EFTUD2: variants seen among roughly 807,000 people sequenced by gnomAD.
The protein encoded by EFTUD2 is 116 kDa U5 small nuclear ribonucleoprotein component.
EFTUD2 carries 9 observed loss-of-function variants against 114.3 expected under a neutral mutation model. The observed-to-expected ratio is 0.08, with a 90% CI of 0.05 to 0.14. The LOEUF (loss-of-function observed/expected upper bound fraction) is 0.14, where lower values mean the gene tolerates loss of function less well. Ranked by LOEUF, EFTUD2 falls within the 10% of genes least tolerant of loss-of-function variation. The probability of loss-of-function intolerance (pLI) is 1.00; values close to 1 mark genes in which losing one functional copy is unlikely to be tolerated. For missense variants in EFTUD2, 765 were observed against 1,241.2 expected, an observed-to-expected ratio of 0.62 and a Z score of 5.76; for synonymous variants, 449 against 462.3, an observed-to-expected ratio of 0.97 and a Z score of 0.37.
chr17:44,863,108 CTTTTT>C, intron 15 of EFTUD2: 1 of 270,378 alleles, frequency 3.7e-6, no homozygotes, highest in Non-Finnish European at 6.8e-6. Context: ...ATATTCTCCT[CTTTTT>C]TTTTTTTTGG....
At chr17:44,865,680 T>C (rs1185494929) in intron 13 of EFTUD2, among the ~76,000 whole-genome samples, 2 of 152,230 alleles carry the variant, frequency 1.3e-5, no homozygotes, top group Non-Finnish European at 2.9e-5. Context: ...TGTGTATGTG[T>C]GTGTCCACTG....
chr17:44,888,719 G>A lies in EFTUD2; in HGVS notation c.106-1969C>T, dbSNP rs564083594. Among the ~76,000 whole-genome samples, 8 of 152,290 alleles carry A rather than the reference G, an allele frequency of 5.3e-5. No homozygotes were observed. In the South Asian group the frequency reaches 6.2e-4, roughly 12 times the overall value. ...CAGTAAGGTTTTTGATCTGAGCACC[G>A]GAAAACAGCCTTGCCTTTATTGAGA... On this transcript the variant is annotated intron_variant, in intron 2 of 27. Coordinates refer to ENST00000426333, the MANE Select transcript of EFTUD2 (RefSeq NM_004247.4).
At chr17:44,868,438 G>T in intron 11 of EFTUD2, 88 bp from the exon 12 acceptor site, 1 of 1,305,758 alleles carries the variant, frequency 7.7e-7, no homozygotes, top group Non-Finnish European at 1.1e-6. Flanking sequence ...TCATAGCTGA[G>T]AACTTCTAGC....
intron 7 of EFTUD2, among the ~76,000 whole-genome samples, chr17:44,881,426 A>C (rs989285317): frequency 2.0e-5 from 3 of 151,372 alleles, no homozygotes; most frequent in African/African-American, 7.3e-5. Flanking sequence ...GCCTCTTAGT[A>C]CTTCTCCTAT....
intron 11 of EFTUD2, among the ~76,000 whole-genome samples, chr17:44,870,801 C>T (rs896798462): frequency 3.9e-5 from 6 of 152,004 alleles, no homozygotes; most frequent in Admixed American, 2.6e-4. Flanking sequence ...GGGCGGATCA[C>T]GAGGTCAGGA....
At chr17:44,880,992 T>C (rs2051062701) in intron 7 of EFTUD2, among the ~76,000 whole-genome samples, 2 of 152,208 alleles carry the variant, frequency 1.3e-5, no homozygotes, top group Non-Finnish European at 2.9e-5. Context: ...ATCTGGGGTA[T>C]TTTAGTTTTT....
At chr17:44,860,946 G>A (rs1481044665) in intron 16 of EFTUD2, among the ~76,000 whole-genome samples, 1 of 152,114 alleles carries the variant, frequency 6.6e-6, no homozygotes, top group Non-Finnish European at 1.5e-5. Context: ...AAGAGCAGGG[G>A]TGAGCAAAAC....
intron 16 of EFTUD2, among the ~76,000 whole-genome samples, chr17:44,861,583 A>T (rs1225692396): frequency 6.6e-6 from 1 of 152,110 alleles, no homozygotes; most frequent in East Asian, 1.9e-4. Context: ...ATACAAAAAA[A>T]TTAGCTGGGC....
At position 44,872,545 on chromosome 17, in the gene EFTUD2, T is replaced by C; in HGVS notation, c.895A>G (p.Ile299Val). The part of the protein sequence containing the change: ...ISMYSTDENL[I>V]LSPLLGNVCF... ...ACGTTACCCAGGAGTGGGGAAAGGA[T>C]CAGGTTCTCATCAGTGGAATACATG... Residue 299 changes from isoleucine to valine, a missense_variant, in exon 11 of 28, where the codon ATC (isoleucine) becomes GTC (valine). By Grantham distance (29) the Ile-to-Val change is conservative. Transcript: ENST00000426333. 1 of 1,612,362 alleles carries C rather than the reference T, an allele frequency of 6.2e-7. No homozygotes were observed. The highest frequency in any genetic ancestry group is 1.7e-5 in the Admixed American group (1 of 59,972).
In EFTUD2 at chr17:44,865,697, T is replaced by C. The variant is rs187914599; in HGVS notation, c.1150-632A>G. 1.5e-3 allele frequency among the ~76,000 whole-genome samples: 231 copies of C among 152,366 alleles called. 2 individuals carry two copies. The Middle Eastern group carries it at 0.034, about 22-fold the overall frequency. Reference sequence around the variant, plus strand: ...TGTATGTGTGTGTCCACTGTGCTTATTAAATACCTGCATATTTTATTACTG... The same window carrying C: ...TGTATGTGTGTGTCCACTGTGCTTACTAAATACCTGCATATTTTATTACTG... On this transcript the variant is annotated intron_variant, in intron 13 of 27. Coordinates refer to ENST00000426333, the MANE Select transcript of EFTUD2 (RefSeq NM_004247.4).
chr17:44,877,955 A>C (rs1451999904), intron 9 of EFTUD2, among the ~76,000 whole-genome samples: 7 of 151,822 alleles, frequency 4.6e-5, no homozygotes, highest in Admixed American at 4.6e-4. Flanking sequence ...AACATGGTGA[A>C]TGAAACCCTG....
At position 44,872,478 on chromosome 17, in the gene EFTUD2, C is replaced by T; in HGVS notation, c.962G>A (p.Gly321Asp). 1 of 1,613,274 alleles carries T rather than the reference C, an allele frequency of 6.2e-7. No individual in the cohort carries two copies. ...SSQYSICFTL[G>D]SFAKIYADTF... ...GTCGGCATAGATCTTGGCAAAGGAG[C>T]CCAGCGTGAAGCAGATGCTGTACTG... Residue 321 changes from glycine to aspartate, a missense_variant, in exon 11 of 28, where the codon GGC (glycine) becomes GAC (aspartate). Physicochemically the swap from Gly to Asp is moderately conservative, Grantham distance 94 (BLOSUM62 -1). Transcript: ENST00000426333.
chr17:44,869,055 T>A (rs1011586805), intron 11 of EFTUD2, among the ~76,000 whole-genome samples: 2 of 152,218 alleles, frequency 1.3e-5, no homozygotes, highest in Non-Finnish European at 2.9e-5. Context: ...TCCCCTCACC[T>A]TGTATGGGAT....
chr17:44,892,122 TA>T (rs2051291028), intron 2 of EFTUD2: 1 of 152,208 alleles, frequency 6.6e-6, no homozygotes, highest in African/African-American at 2.4e-5. Flanking sequence ...TAGATTCTGT[TA>T]TCCAATACAT....
chr17:44,881,782 CATCA>C, intron 6 of EFTUD2, 60 bp from the exon 7 acceptor site: 2 of 1,528,142 alleles, frequency 1.3e-6, no homozygotes, highest in Non-Finnish European at 1.8e-6. Flanking sequence ...ACAAACGAAC[CATCA>C]ATCACTTTCC....
chr17:44,896,892 A>C (rs1349153476), intron 1 of EFTUD2, among the ~76,000 whole-genome samples: 2 of 152,188 alleles, frequency 1.3e-5, no homozygotes, highest in East Asian at 3.9e-4. Flanking sequence ...AATGGTTATG[A>C]GGATTAAATA....
chr17:44,893,286 C>T (rs1210022451), intron 2 of EFTUD2, among the ~76,000 whole-genome samples: 2 of 152,082 alleles, frequency 1.3e-5, no homozygotes, highest in Non-Finnish European at 2.9e-5. Context: ...ACAAGCCTGG[C>T]TAATATTTGT....
At chr17:44,885,535 AG>A (rs916222650) in intron 3 of EFTUD2, among the ~76,000 whole-genome samples, 2 of 143,976 alleles carry the variant, frequency 1.4e-5, no homozygotes, top group African/African-American at 5.0e-5. Flanking sequence ...TTGTGGAAAG[AG>A]GAGTCTGGGC....
chr17:44,875,465 G>A (rs2050930991), intron 10 of EFTUD2, among the ~76,000 whole-genome samples: 5 of 152,230 alleles, frequency 3.3e-5, no homozygotes, highest in Admixed American at 3.3e-4. Flanking sequence ...GGGAGGCGGA[G>A]CTTGCAGTGA....
Sources: gnomAD v4.1 joint callset for allele counts (sites outside exome capture counted in the v4.1 genomes callset) on GRCh38, gnomAD v4.1.1 for gene constraint, MANE v1.5 for transcripts, NCBI Gene and HGNC (gene_info 2026-07-23, HGNC 2026-07-21) for gene names.